The following TIAM1 variants were observed in gnomAD, a reference collection of about 807,000 sequenced individuals.
TIAM1 encodes the protein rho guanine nucleotide exchange factor TIAM1.
A neutral mutation model predicts 163.5 loss-of-function variants in TIAM1; 65 were observed. That is an observed-to-expected ratio of 0.40 (90% CI 0.33 to 0.49). The LOEUF is 0.49. Ranked by LOEUF, TIAM1 falls within the 20% of genes least tolerant of loss-of-function variation. The pLI is 0.77. For missense variants in TIAM1, 1,789 were observed against 2,044.7 expected (o/e 0.87, Z 2.41); for synonymous variants, 833 against 810.1 (o/e 1.03, Z -0.48).
Position 31,534,925 on chromosome 21 carries a change from C to G in TIAM1, c.-422+24002G>C, listed in dbSNP as rs185157891. On this transcript the variant is annotated intron_variant, in intron 1 of 28. Transcript: ENST00000286827. Reference sequence around the variant, plus strand: ...TTCGAGAACAGCTTGGGCAACATGACGAAACCCCATCTCTACAAAAAATTA... The same window carrying G: ...TTCGAGAACAGCTTGGGCAACATGAGGAAACCCCATCTCTACAAAAAATTA... 6.6e-5 allele frequency among the ~76,000 whole-genome samples: 10 copies of G among 152,174 alleles called. No individual in the cohort carries two copies. In the East Asian group the frequency reaches 1.9e-3, roughly 29 times the overall value.
chr21:31,123,652 G>C (rs1281523005), intron 27 of TIAM1, among the ~76,000 whole-genome samples: 1 of 152,134 alleles, frequency 6.6e-6, no homozygotes, highest in African/African-American at 2.4e-5. Flanking sequence ...ATGGTAATGG[G>C]TACAAAGGCC....
At chr21:31,321,147 C>CG (rs563672030) in intron 2 of TIAM1, among the ~76,000 whole-genome samples, 94 of 149,594 alleles carry the variant, frequency 6.3e-4, no homozygotes, top group East Asian at 2.0e-3. Flanking sequence ...AAGAAGGGGG[C>CG]GGGGGGGGAT....
At chr21:31,209,094 T>A (rs1487376366) in intron 11 of TIAM1, among the ~76,000 whole-genome samples, 1 of 152,100 alleles carries the variant, frequency 6.6e-6, no homozygotes, top group African/African-American at 2.4e-5. Flanking sequence ...CACTGCAGGA[T>A]GCACCCAGCT....
chr21:31,127,735 A>G (rs1297040247), intron 25 of TIAM1, among the ~76,000 whole-genome samples: 3 of 152,162 alleles, frequency 2.0e-5, no homozygotes, highest in Admixed American at 1.3e-4. Context: ...TCTTCCAGCC[A>G]TGCAGTCTGG....
intron 6 of TIAM1, among the ~76,000 whole-genome samples, chr21:31,227,082 G>A (rs889702123): frequency 2.0e-5 from 3 of 150,318 alleles, no homozygotes; most frequent in East Asian, 2.0e-4. Context: ...TCAGCCTCCC[G>A]AGTAGCTGGG....
intron 16 of TIAM1, among the ~76,000 whole-genome samples, chr21:31,155,676 T>C (rs2083586018): frequency 6.6e-6 from 1 of 151,958 alleles, no homozygotes; most frequent in Non-Finnish European, 1.5e-5. Flanking sequence ...GGCTATTTTT[T>C]TGTATTTTTA....
intron 2 of TIAM1, among the ~76,000 whole-genome samples, chr21:31,419,257 C>A (rs181615121): frequency 6.6e-6 from 1 of 152,144 alleles, no homozygotes; most frequent in Admixed American, 6.5e-5. Context: ...CACATGAATG[C>A]GTGAGAAATT....
At chr21:31,463,681 T>C (rs1181542579) in intron 2 of TIAM1, among the ~76,000 whole-genome samples, 1 of 151,618 alleles carries the variant, frequency 6.6e-6, no homozygotes, top group Admixed American at 6.6e-5. Context: ...AGCCAGGCAT[T>C]GTGGCGGGCA....
intron 3 of TIAM1, among the ~76,000 whole-genome samples, chr21:31,268,896 G>T (rs896049622): frequency 2.6e-5 from 4 of 152,194 alleles, no homozygotes; most frequent in African/African-American, 9.6e-5. Context: ...AAGATACCTG[G>T]ATGTGCCTAT....
At chr21:31,539,982 A>C (rs1236475365) in intron 1 of TIAM1, among the ~76,000 whole-genome samples, 1 of 152,004 alleles carries the variant, frequency 6.6e-6, no homozygotes, top group Non-Finnish European at 1.5e-5. Flanking sequence ...ACTTGAGCCC[A>C]GGAGTTCAAG....
intron 12 of TIAM1, among the ~76,000 whole-genome samples, chr21:31,195,990 C>T (rs1364465696): frequency 6.6e-6 from 1 of 152,116 alleles, no homozygotes; most frequent in Admixed American, 6.6e-5. Context: ...AGACAATCTA[C>T]AGTATGGGAG....
At chr21:31,129,304 A>G (rs528300514) in intron 25 of TIAM1, among the ~76,000 whole-genome samples, 1 of 152,350 alleles carries the variant, frequency 6.6e-6, no homozygotes, top group African/African-American at 2.4e-5. Flanking sequence ...ATGTGTTTCA[A>G]GCATCGTCTA....
chr21:31,407,798 G>C (rs1485699814), intron 2 of TIAM1, among the ~76,000 whole-genome samples: 1 of 151,740 alleles, frequency 6.6e-6, no homozygotes, highest in African/African-American at 2.4e-5. Flanking sequence ...ACCACGCCTG[G>C]GTAATTTTTT....
At position 31,217,458 on chromosome 21, in the gene TIAM1, C is replaced by T. The variant is rs959649066; in HGVS notation, c.2142+95G>A. On this transcript the variant is annotated intron_variant, in intron 9 of 27. Coordinates refer to ENST00000541036, the MANE Select transcript of TIAM1 (RefSeq NM_001353694.2). ...GTGCCAACTAGTTGATTTTAAATAA[C>T]ACTCGGCCTCACTGAAGAAACACAC... is the stretch of plus-strand genomic sequence containing the variant. 6 of 1,505,136 alleles carry T rather than the reference C, an allele frequency of 4.0e-6. No individual in the cohort carries two copies. In the Admixed American group the frequency reaches 8.0e-5, roughly 20 times the overall value. The allele number at this position is 1,505,136 out of a possible 1,614,324, so 93.2% of individuals were successfully genotyped here. A position where few individuals can be genotyped will look rare whatever the true frequency, so the allele number is the denominator to read the frequency against.
At chr21:31,432,231 G>T (rs867945525) in intron 2 of TIAM1, among the ~76,000 whole-genome samples, 4 of 151,188 alleles carry the variant, frequency 2.6e-5, no homozygotes, top group Middle Eastern at 6.8e-3. Flanking sequence ...CTCCTGAGTA[G>T]CTGGGACTAC....
intron 2 of TIAM1, among the ~76,000 whole-genome samples, chr21:31,325,395 C>G (rs2075452369): frequency 6.6e-6 from 1 of 151,892 alleles, no homozygotes; most frequent in East Asian, 1.9e-4. Context: ...GGGCCAGGTG[C>G]AGTGGCTCAT....
rs572272338 is a variant in TIAM1 at position 31,328,123 on chromosome 21, G to C, written c.-189+11120C>G. ...AACCCCTTGCCATCTTGGCTCCAATGTCACCCATGCAGTGGGGCCTTCCTA... is the reference window on the plus strand; with the variant it reads ...AACCCCTTGCCATCTTGGCTCCAATCTCACCCATGCAGTGGGGCCTTCCTA... On this transcript the variant is annotated intron_variant, in intron 2 of 27. Transcript: ENST00000541036. Among the ~76,000 whole-genome samples the C allele has an allele frequency of 3.9e-5, 6 of 152,130 alleles. No homozygotes were observed. In the South Asian group the frequency reaches 1.2e-3, roughly 32 times the overall value.
chr21:31,273,478 CCT>C (rs1476184611), intron 3 of TIAM1, among the ~76,000 whole-genome samples: 7 of 152,258 alleles, frequency 4.6e-5, no homozygotes, highest in African/African-American at 1.4e-4. Flanking sequence ...CAGACTAACC[CCT>C]GAGTGGCACA....
intron 1 of TIAM1, among the ~76,000 whole-genome samples, chr21:31,557,099 C>T (rs1289324301): frequency 6.6e-6 from 1 of 152,210 alleles, no homozygotes; most frequent in Non-Finnish European, 1.5e-5. Flanking sequence ...AAACCCAGGT[C>T]TGGGTCCCAG....
Sources: allele counts gnomAD v4.1 joint callset (sites outside exome capture counted in the v4.1 genomes callset), GRCh38; gene constraint gnomAD v4.1.1; transcripts MANE v1.5; gene names NCBI Gene and HGNC (gene_info 2026-07-23, HGNC 2026-07-21).